ZNF277: variants seen among roughly 807,000 people sequenced by gnomAD.
ZNF277 encodes the protein zinc finger protein 277, also known as nuclear receptor-interacting factor 4.
In ZNF277, 55 loss-of-function variants were observed where a neutral mutation model predicts 60.7. The observed-to-expected ratio is 0.91, with a 90% CI of 0.73 to 1.13. The LOEUF (loss-of-function observed/expected upper bound fraction) is 1.13, where lower values mean the gene tolerates loss of function less well. Ranked by LOEUF, ZNF277 falls within the 50% of genes most tolerant of loss-of-function variation. ZNF277 has a pLI of 0.00. For synonymous variants in ZNF277, 178 were observed against 179.3 expected, an observed-to-expected ratio of 0.99 and a Z score of 0.06; for missense variants, 510 against 523.0, an observed-to-expected ratio of 0.98 and a Z score of 0.24.
rs1554493410 is a variant in ZNF277 at position 112,310,478 on chromosome 7, A to AGTGTGT, written c.466-7695_466-7690dup. ...TTGAGAGAGAGAGAGAGAGAGAGAG[A>AGTGTGT]GTGTGTGTGTGTGTATGTATTTTAT... On this transcript the variant is annotated intron_variant, in intron 4 of 11. Transcript: ENST00000361822. Among the ~76,000 whole-genome samples, 719 of 123,658 alleles carry AGTGTGT rather than the reference A, an allele frequency of 5.8e-3. 1 individual carries two copies. Among genetic ancestry groups the AGTGTGT allele is most frequent in the Non-Finnish European group, 9.3e-3 (563 of 60,706 alleles). The allele number at this position is 123,658 out of a possible 152,430, so 81.1% of individuals were successfully genotyped here.
At chr7:112,331,078 G>A (rs1410549664) in intron 7 of ZNF277, among the ~76,000 whole-genome samples, 1 of 152,116 alleles carries the variant, frequency 6.6e-6, no homozygotes, top group Non-Finnish European at 1.5e-5. Flanking sequence ...ATTTTACTAT[G>A]GAAGGGGATT....
chr7:112,261,085 A>G lies in ZNF277; in HGVS notation c.92-25788A>G, dbSNP rs1587127305. ...GTTCTGTTTATGGGTTTGCTCAGACAGCTTGGGAAGATCCCAGCCACCATA... is the reference window on the plus strand; with the variant it reads ...GTTCTGTTTATGGGTTTGCTCAGACGGCTTGGGAAGATCCCAGCCACCATA... On this transcript the variant is annotated intron_variant, in intron 1 of 11. Coordinates refer to ENST00000361822, the MANE Select transcript of ZNF277 (RefSeq NM_021994.3). Among the ~76,000 whole-genome samples, 4 of 152,214 alleles carry G rather than the reference A, an allele frequency of 2.6e-5. No individual in the cohort carries two copies. The East Asian group carries it at 7.7e-4, about 29-fold the overall frequency.
chr7:112,327,713 C>T lies in ZNF277; in HGVS notation c.558-4C>T. The T allele has an allele frequency of 6.2e-7, 1 of 1,608,392 alleles. No homozygotes were observed. The highest frequency in any genetic ancestry group is 8.5e-7 in the Non-Finnish European group (1 of 1,177,186). The stretch of plus-strand genomic sequence containing the variant: ...TAATCCTAATTGCTCAAATTTCTTC[C>T]TAGATCTGTTATTTTGAACCACATG... On this transcript the variant is annotated splice_polypyrimidine_tract_variant and splice_region_variant and intron_variant, in intron 5 of 11. Coordinates refer to ENST00000361822, the MANE Select transcript of ZNF277 (RefSeq NM_021994.3).
chr7:112,287,579 T>G (rs903202485), intron 2 of ZNF277: 5 of 151,136 alleles, frequency 3.3e-5, no homozygotes, highest in African/African-American at 1.2e-4. Context: ...CAGGCTGGAG[T>G]GCAGTGGCAC....
chr7:112,281,951 G>A (rs548707239), intron 1 of ZNF277, among the ~76,000 whole-genome samples: 26 of 152,272 alleles, frequency 1.7e-4, no homozygotes, highest in African/African-American at 5.8e-4. Flanking sequence ...TCCTGCCTCA[G>A]TCTCCCGAGT....
chr7:112,239,998 T>C (rs1790908308), intron 1 of ZNF277, among the ~76,000 whole-genome samples: 1 of 152,208 alleles, frequency 6.6e-6, no homozygotes, highest in Non-Finnish European at 1.5e-5. Flanking sequence ...TTTGCTTCTT[T>C]GTTAGTGTGT....
At chr7:112,313,040 G>A (rs1358433821) in intron 4 of ZNF277, among the ~76,000 whole-genome samples, 1 of 151,890 alleles carries the variant, frequency 6.6e-6, no homozygotes, top group Non-Finnish European at 1.5e-5. Flanking sequence ...GTACTTTGTA[G>A]ACTAAACTTT....
intron 4 of ZNF277, among the ~76,000 whole-genome samples, chr7:112,314,210 A>G (rs926935886): frequency 1.3e-5 from 2 of 152,154 alleles, no homozygotes; most frequent in Non-Finnish European, 2.9e-5. Flanking sequence ...GGCCACATTA[A>G]GAGCTACTTC....
At chr7:112,292,323 A>C (rs1792226765) in intron 2 of ZNF277, among the ~76,000 whole-genome samples, 1 of 152,214 alleles carries the variant, frequency 6.6e-6, no homozygotes, top group Non-Finnish European at 1.5e-5. Context: ...CTAGTTAAGC[A>C]GTTCCAAAAC....
chr7:112,325,440 A>G (rs1418018712), intron 5 of ZNF277, among the ~76,000 whole-genome samples: 1 of 152,210 alleles, frequency 6.6e-6, no homozygotes, highest in African/African-American at 2.4e-5. Flanking sequence ...ATTTTGGCCC[A>G]CTGTGGTAGA....
intron 1 of ZNF277, among the ~76,000 whole-genome samples, chr7:112,230,011 G>A (rs750728434): frequency 6.8e-5 from 10 of 146,102 alleles, no homozygotes; most frequent in Non-Finnish European, 9.4e-5. Flanking sequence ...CTAGAGAAGG[G>A]AGCAAGGACT....
intron 1 of ZNF277, among the ~76,000 whole-genome samples, chr7:112,216,237 C>T (rs780387443): frequency 1.1e-4 from 17 of 152,240 alleles, no homozygotes; most frequent in Admixed American, 2.0e-4. Flanking sequence ...TGATCATAGA[C>T]AGTACAGCTT....
In ZNF277 at chr7:112,327,816, A is replaced by G. The variant is rs1385163905; in HGVS notation, c.657A>G (p.Lys219=). The change falls in exon 6 of 12, where the codon AAA becomes AAG. Residue 219 remains lysine, a synonymous_variant. Transcript: ENST00000361822. ...ATGAATTTTTGTGTACATTACAGAA[A>G]AAGCTTGACAAGTAAGTACTGATTT... The part of the protein sequence containing the change: ...NCNEFLCTLQ[K]KLDNLQCLYC... 4 of 1,607,386 alleles carry G rather than the reference A, an allele frequency of 2.5e-6. No homozygotes were observed. The highest frequency in any genetic ancestry group is 3.4e-6 in the Non-Finnish European group (4 of 1,177,076).
chr7:112,335,159 G>A (rs556458791), intron 7 of ZNF277, among the ~76,000 whole-genome samples: 2 of 152,240 alleles, frequency 1.3e-5, no homozygotes, highest in Non-Finnish European at 2.9e-5. Flanking sequence ...CCATAATTGA[G>A]TGAATTTTGG....
intron 6 of ZNF277, 48 bp from the exon 7 acceptor site, chr7:112,330,036 G>C: frequency 6.4e-7 from 1 of 1,563,560 alleles, no homozygotes; most frequent in Non-Finnish European, 8.6e-7. Flanking sequence ...GATTATTGCA[G>C]CAACTATACA....
chr7:112,240,693 A>G (rs1284457233), intron 1 of ZNF277, among the ~76,000 whole-genome samples: 1 of 152,202 alleles, frequency 6.6e-6, no homozygotes, highest in Non-Finnish European at 1.5e-5. Context: ...GAATCCAGAA[A>G]TAAATCCATA....
At chr7:112,295,722 T>G in intron 2 of ZNF277, 147 bp from the exon 3 acceptor site, 1 of 585,186 alleles carries the variant, frequency 1.7e-6, no homozygotes, top group South Asian at 2.4e-5. Flanking sequence ...TGCCTTTGTA[T>G]TCACAAAAAA....
intron 1 of ZNF277, among the ~76,000 whole-genome samples, chr7:112,224,134 A>T (rs74469582): frequency 0.013 from 1,922 of 152,314 alleles, 51 homozygotes; most frequent in African/African-American, 0.043. Flanking sequence ...TTAAAGAAAA[A>T]CTAGAGCTGG....
intron 4 of ZNF277, among the ~76,000 whole-genome samples, chr7:112,314,922 A>G (rs910392669): frequency 2.0e-5 from 3 of 152,108 alleles, no homozygotes; most frequent in Non-Finnish European, 4.4e-5. Flanking sequence ...GATTTTATTG[A>G]TTACCAGTTT....
Sources: allele counts gnomAD v4.1 joint callset (sites outside exome capture counted in the v4.1 genomes callset), GRCh38; gene constraint gnomAD v4.1.1; transcripts MANE v1.5; gene names NCBI Gene and HGNC (gene_info 2026-07-23, HGNC 2026-07-21).